The following RBMS3 variants were observed in gnomAD, a reference collection of about 807,000 sequenced individuals.
RBMS3 encodes RNA-binding motif, single-stranded-interacting protein 3.
Under a neutral mutation model 66.8 loss-of-function variants are expected in RBMS3, and 27 were observed. The ratio of observed to expected loss-of-function variants is 0.40; its 90% CI spans 0.30 to 0.56. The LOEUF (loss-of-function observed/expected upper bound fraction) is 0.56, where lower values mean the gene tolerates loss of function less well. Among genes scored for constraint, RBMS3 ranks in the 20% least tolerant of loss-of-function variants. The pLI is 0.40. For missense variants in RBMS3, 513 were observed against 549.5 expected, an observed-to-expected ratio of 0.93 and a Z score of 0.66; for synonymous variants, 188 against 183.0, an observed-to-expected ratio of 1.03 and a Z score of -0.22.
chr3:29,587,859 G>A (rs576137989), intron 4 of RBMS3, among the ~76,000 whole-genome samples: 1 of 151,966 alleles, frequency 6.6e-6, no homozygotes, highest in East Asian at 1.9e-4. Flanking sequence ...ATGTATTCTA[G>A]AACCTTCTAC....
chr3:29,977,523 A>AT (rs61008885), intron 12 of RBMS3, among the ~76,000 whole-genome samples: 29,012 of 151,312 alleles, frequency 0.19, 2,893 homozygotes, highest in Middle Eastern at 0.25. Flanking sequence ...CAATTTTACA[A>AT]TTTTTTTTTG....
At position 29,852,943 on chromosome 3, in the gene RBMS3, A is replaced by G. The variant is rs112399255; in HGVS notation, c.638-15915A>G. On this transcript the variant is annotated intron_variant, in intron 6 of 14. Transcript: ENST00000383767. ...ATCAATGACAGATTAGATAACAAAA[A>G]TGTGGTACAGATACATCATGGAATA... Among the ~76,000 whole-genome samples, 1,403 of 152,350 alleles carry G rather than the reference A, an allele frequency of 9.2e-3. 18 individuals are homozygous for G. Among genetic ancestry groups the G allele is most frequent in the African/African-American group, 0.031 (1,281 of 41,580 alleles).
chr3:29,845,522 AT>A (rs767037736), intron 6 of RBMS3, among the ~76,000 whole-genome samples: 7 of 152,188 alleles, frequency 4.6e-5, no homozygotes, highest in Non-Finnish European at 7.3e-5. Context: ...AGATTTCCTC[AT>A]TTTTATTAAT....
At chr3:29,951,197 G>A (rs1214212100) in intron 12 of RBMS3, among the ~76,000 whole-genome samples, 1 of 151,806 alleles carries the variant, frequency 6.6e-6, no homozygotes, top group African/African-American at 2.4e-5. Context: ...GGGCTAATGG[G>A]AAGTTTGTGT....
intron 4 of RBMS3, among the ~76,000 whole-genome samples, chr3:29,628,895 G>A (rs2049171448): frequency 6.6e-6 from 1 of 152,024 alleles, no homozygotes; most frequent in South Asian, 2.1e-4. Context: ...TTTTGACTGA[G>A]AATTGTCATT....
chr3:29,694,928 A>G (rs1031264767), intron 4 of RBMS3, among the ~76,000 whole-genome samples: 1 of 152,130 alleles, frequency 6.6e-6, no homozygotes, highest in African/African-American at 2.4e-5. Context: ...GAGCCTAAGC[A>G]GACACATTCC....
intron 1 of RBMS3, among the ~76,000 whole-genome samples, chr3:29,326,725 C>A (rs529913386): frequency 6.7e-6 from 1 of 149,284 alleles, no homozygotes; most frequent in African/African-American, 2.5e-5. Flanking sequence ...AGTCTTACTA[C>A]TGGCATCCTT....
chr3:29,606,845 A>G, intron 4 of RBMS3, among the ~76,000 whole-genome samples: 1 of 152,010 alleles, frequency 6.6e-6, no homozygotes, highest in Non-Finnish European at 1.5e-5. Context: ...AAAAAATTCT[A>G]TCCATCAATG....
intron 6 of RBMS3, among the ~76,000 whole-genome samples, chr3:29,836,683 G>A (rs1204725576): frequency 6.6e-6 from 1 of 151,766 alleles, no homozygotes; most frequent in Non-Finnish European, 1.5e-5. Flanking sequence ...GAAATTTGCT[G>A]AGAATGTAGA....
intron 6 of RBMS3, among the ~76,000 whole-genome samples, chr3:29,791,418 C>T (rs1355550101): frequency 6.6e-6 from 1 of 152,148 alleles, no homozygotes; most frequent in Non-Finnish European, 1.5e-5. Flanking sequence ...CATTAAAAAA[C>T]AAAAGCAACA....
At chr3:29,505,963 A>G (rs2044167494) in intron 3 of RBMS3, among the ~76,000 whole-genome samples, 1 of 151,796 alleles carries the variant, frequency 6.6e-6, no homozygotes, top group African/African-American at 2.4e-5. Context: ...ATTAGTTCCA[A>G]TAGTTTTTTG....
At chr3:30,000,242 A>G (rs1298979526) in intron 14 of RBMS3, among the ~76,000 whole-genome samples, 1 of 152,232 alleles carries the variant, frequency 6.6e-6, no homozygotes, top group African/African-American at 2.4e-5. Context: ...ATATGAACAG[A>G]CACTTCTCAA....
chr3:29,685,895 C>T (rs1481590190), intron 4 of RBMS3, among the ~76,000 whole-genome samples: 1 of 152,162 alleles, frequency 6.6e-6, no homozygotes, highest in African/African-American at 2.4e-5. Flanking sequence ...CATCACTGTG[C>T]CTGGCAGCTG....
intron 6 of RBMS3, among the ~76,000 whole-genome samples, chr3:29,779,598 G>A (rs2056550821): frequency 6.6e-6 from 1 of 150,612 alleles, no homozygotes; most frequent in African/African-American, 2.4e-5. Flanking sequence ...CAAAAGACCT[G>A]AACAGAGTTC....
intron 1 of RBMS3, among the ~76,000 whole-genome samples, chr3:29,407,437 C>G (rs2040074651): frequency 6.6e-6 from 1 of 152,152 alleles, no homozygotes; most frequent in Admixed American, 6.5e-5. Context: ...GGTGATCTTT[C>G]TTATCAATCT....
intron 3 of RBMS3, among the ~76,000 whole-genome samples, chr3:29,492,525 G>A (rs1327741873): frequency 6.6e-6 from 1 of 152,182 alleles, no homozygotes; most frequent in Non-Finnish European, 1.5e-5. Flanking sequence ...GACTAATCCA[G>A]AAAGTATCTG....
At chr3:29,468,746 C>CT (rs1559385693) in intron 2 of RBMS3, among the ~76,000 whole-genome samples, 1 of 151,386 alleles carries the variant, frequency 6.6e-6, no homozygotes, top group African/African-American at 2.4e-5. Context: ...CTGATGTTTG[C>CT]TTGACAGTCT....
chr3:29,779,157 G>C (rs1475112245), intron 6 of RBMS3, among the ~76,000 whole-genome samples: 1 of 151,726 alleles, frequency 6.6e-6, no homozygotes, highest in Non-Finnish European at 1.5e-5. Context: ...TTTTAACACT[G>C]ATTTTTAATA....
intron 12 of RBMS3, among the ~76,000 whole-genome samples, chr3:29,987,680 TTGC>T (rs1459533281): frequency 1.3e-5 from 2 of 152,304 alleles, no homozygotes; most frequent in Non-Finnish European, 2.9e-5. Context: ...TTACATTACT[TTGC>T]TGCTTTTTTA....
Sources: gnomAD v4.1 joint callset for allele counts (sites outside exome capture counted in the v4.1 genomes callset) on GRCh38, gnomAD v4.1.1 for gene constraint, MANE v1.5 for transcripts, NCBI Gene and HGNC (gene_info 2026-07-23, HGNC 2026-07-21) for gene names.